The following NRDC variants were observed in gnomAD, a reference collection of about 807,000 sequenced individuals.
The protein encoded by NRDC is nardilysin.
Under a neutral mutation model 147.1 loss-of-function variants are expected in NRDC, and 54 were observed. The observed-to-expected ratio is 0.37, with a 90% CI of 0.29 to 0.46. The LOEUF is 0.46. Among genes scored for constraint, NRDC ranks in the 20% least tolerant of loss-of-function variants. NRDC has a pLI of 1.00. For synonymous variants in NRDC, 440 were observed against 482.1 expected, an observed-to-expected ratio of 0.91 and a Z score of 1.14; for missense variants, 1,082 against 1,370.6, an observed-to-expected ratio of 0.79 and a Z score of 3.33.
At chr1:51,846,024 G>T (rs1681551828) in intron 1 of NRDC, among the ~76,000 whole-genome samples, 1 of 151,634 alleles carries the variant, frequency 6.6e-6, no homozygotes, top group African/African-American at 2.4e-5. Context: ...TACAACAACA[G>T]AACTAAAAGT....
At position 51,790,640 on chromosome 1, in the gene NRDC, G is replaced by C. The variant is rs1395390174; in HGVS notation, c.3061C>G (p.Leu1021Val). ...TCCTCACACTCCTTCAGCTTGATGA[G>C]AGCTGTGACCTGTTCCCACCAAAAA... ...EEAFNTQVTALIKLKECEDTH... is the reference protein window; with the variant it reads ...EEAFNTQVTAVIKLKECEDTH... Residue 1021 changes from leucine (L) to valine (V), a missense_variant, in exon 29 of 31, where the codon CTC becomes GTC. Leu to Val is a conservative substitution (Grantham distance 32). This residue lies in a region of NRDC where 187 missense variants were observed against 193.6 expected (regional missense o/e 0.97). Coordinates refer to ENST00000352171, the MANE Select transcript of NRDC (RefSeq NM_001101662.2). 1 of 1,610,652 alleles carries C rather than the reference G, an allele frequency of 6.2e-7. No homozygotes were observed. The highest frequency in any genetic ancestry group is 1.7e-5 in the Admixed American group (1 of 60,008).
intron 5 of NRDC, among the ~76,000 whole-genome samples, chr1:51,826,099 G>C (rs1022893856): frequency 1.2e-4 from 18 of 152,160 alleles, no homozygotes; most frequent in Admixed American, 2.0e-4. Flanking sequence ...CTTTGATCTT[G>C]GACTTCTCAG....
Position 51,814,674 on chromosome 1 carries a change from C to A in NRDC, c.1560+19G>T, listed in dbSNP as rs755111170. On this transcript the variant is annotated intron_variant, in intron 12 of 30. Transcript: ENST00000352171. ...ATATCTACGTAAAAGGAAAAAACAACTGAATTTGAATTATTTACCTCATAA... is the reference window on the plus strand; with the variant it reads ...ATATCTACGTAAAAGGAAAAAACAAATGAATTTGAATTATTTACCTCATAA... 6.2e-7 allele frequency: 1 copy of A among 1,604,716 alleles called. No homozygotes were observed. The highest frequency in any genetic ancestry group is 8.5e-7 in the Non-Finnish European group (1 of 1,174,242).
At chr1:51,837,546 C>T (rs550776991) in intron 2 of NRDC, 2 of 1,593,444 alleles carry the variant, frequency 1.3e-6, no homozygotes, top group African/African-American at 1.3e-5. Context: ...GGGTTGAAGA[C>T]ATTTTTGAAT....
chr1:51,864,299 A>AAAT (rs1553219387), intron 1 of NRDC, among the ~76,000 whole-genome samples: 3 of 152,344 alleles, frequency 2.0e-5, no homozygotes, highest in Middle Eastern at 3.4e-3. Context: ...AAATCTCATT[A>AAAT]CAAATCAGAT....
intron 22 of NRDC, among the ~76,000 whole-genome samples, chr1:51,796,700 G>A (rs980883438): frequency 1.3e-5 from 2 of 151,410 alleles, no homozygotes; most frequent in African/African-American, 4.8e-5. Flanking sequence ...CAATTCTCCT[G>A]CCTCAGCCTC....
At position 51,789,550 on chromosome 1, in the gene NRDC, T is replaced by G. The variant is rs757802412; in HGVS notation, c.3258+18A>C. 5.0e-6 allele frequency: 8 copies of G among 1,604,270 alleles called. No individual in the cohort carries two copies. The South Asian group carries it at 8.8e-5, about 18-fold the overall frequency. ...AATGACAACCCTAGAATGGATGGAG[T>G]TAGTTAAACATACTCACATGAACGC... On this transcript the variant is annotated intron_variant, in intron 30 of 30. Transcript: ENST00000352171.
At chr1:51,860,951 CTTT>C (rs528761936) in intron 1 of NRDC, among the ~76,000 whole-genome samples, 7 of 139,436 alleles carry the variant, frequency 5.0e-5, no homozygotes, top group Admixed American at 7.2e-5. Context: ...GGTATTACTT[CTTT>C]TTTTTTTTTT....
intron 1 of NRDC, among the ~76,000 whole-genome samples, chr1:51,869,979 C>T (rs1683006582): frequency 6.6e-6 from 1 of 152,192 alleles, no homozygotes; most frequent in Non-Finnish European, 1.5e-5. Context: ...AACTACTGGG[C>T]TCAAGCCATC....
intron 11 of NRDC, among the ~76,000 whole-genome samples, chr1:51,815,186 T>TC (rs1324600728): frequency 2.7e-3 from 332 of 124,606 alleles, no homozygotes; most frequent in South Asian, 7.2e-3. Flanking sequence ...TTTTTTCTTT[T>TC]TTTTTTTTTT....
Position 51,840,471 on chromosome 1 carries a change from C to G in NRDC, c.385G>C (p.Asp129His). 1 of 1,611,682 alleles carries G rather than the reference C, an allele frequency of 6.2e-7. No homozygotes were observed. Among genetic ancestry groups the G allele is most frequent in the Non-Finnish European group, 8.5e-7 (1 of 1,179,296 alleles). The change falls in exon 2 of 31, where the codon GAC becomes CAC. Residue 129 changes from aspartate (D) to histidine (H), a missense_variant. Coordinates refer to ENST00000352171, the MANE Select transcript of NRDC (RefSeq NM_001101662.2). Reference protein sequence around the residue: ...QNGLQALLISDLSNMEGKTGN... With the variant: ...QNGLQALLISHLSNMEGKTGN... ...GTTTTACCTTCCATATTACTTAGGT[C>G]TGAAATCAGAAGTGCCTGCAAGCCA...
chr1:51,850,880 A>T (rs1368645051), intron 1 of NRDC, among the ~76,000 whole-genome samples: 1 of 152,102 alleles, frequency 6.6e-6, no homozygotes, highest in Non-Finnish European at 1.5e-5. Context: ...AATAAACACC[A>T]TGCCTTCCTT....
chr1:51,810,033 T>G (rs1322749282), intron 16 of NRDC, among the ~76,000 whole-genome samples: 5 of 152,164 alleles, frequency 3.3e-5, no homozygotes, highest in Non-Finnish European at 7.4e-5. Context: ...TGAGAAGCAT[T>G]CTTCTAAAAC....
At chr1:51,854,107 C>T (rs1682118678) in intron 1 of NRDC, among the ~76,000 whole-genome samples, 1 of 152,168 alleles carries the variant, frequency 6.6e-6, no homozygotes, top group Non-Finnish European at 1.5e-5. Flanking sequence ...CGGTGGCTCA[C>T]ACCTGTAATC....
intron 23 of NRDC, 35 bp from the exon 24 acceptor site, chr1:51,794,645 C>CA (rs1238091933): frequency 6.2e-7 from 1 of 1,609,058 alleles, no homozygotes; most frequent in South Asian, 1.1e-5. Flanking sequence ...CTGAGGCACC[C>CA]AAAAACTATA....
intron 14 of NRDC, 65 bp downstream of exon 14, chr1:51,813,970 A>C: frequency 3.9e-6 from 4 of 1,038,548 alleles, no homozygotes; most frequent in Non-Finnish European, 4.5e-6. Flanking sequence ...AAAAAGAGGA[A>C]CAATGTCTAC....
intron 17 of NRDC, 110 bp from the exon 18 acceptor site, chr1:51,807,023 C>A: frequency 3.8e-6 from 5 of 1,315,640 alleles, no homozygotes; most frequent in African/African-American, 1.5e-5. Context: ...AAAAATAAGC[C>A]AAATTCAAAT....
Position 51,816,358 on chromosome 1 carries a change from C to G in NRDC, c.1393G>C (p.Val465Leu). 6.2e-7 allele frequency: 1 copy of G among 1,600,438 alleles called. No individual in the cohort carries two copies. Among genetic ancestry groups the G allele is most frequent in the Non-Finnish European group, 8.5e-7 (1 of 1,173,224 alleles). Residue 465 changes from valine to leucine, a missense_variant, in exon 11 of 31, where the codon GTT (valine) becomes CTT (leucine). Val to Leu is a conservative substitution (Grantham distance 32). This residue lies in a region of NRDC where 635 missense variants were observed against 923.8 expected (regional missense o/e 0.69). Transcript: ENST00000352171. ...VKPLHYISWL[V>L]GHEGKGSILS... ...ATGCTGCCTTTGCCTTCATGTCCAA[C>G]CAGCCAGGATATATAATGAAGTGGC... is the stretch of plus-strand genomic sequence containing the variant.
chr1:51,804,060 A>G, intron 19 of NRDC, 96 bp from the exon 20 acceptor site: 1 of 1,090,080 alleles, frequency 9.2e-7, no homozygotes, highest in Admixed American at 2.9e-5. Context: ...TCATTTTTAG[A>G]AAGTATAAAT....
Sources: allele counts gnomAD v4.1 joint callset (sites outside exome capture counted in the v4.1 genomes callset), GRCh38; gene constraint gnomAD v4.1.1; regional missense constraint gnomAD v4.1.1; transcripts MANE v1.5; gene names NCBI Gene and HGNC (gene_info 2026-07-23, HGNC 2026-07-21).